The following THSD7A variants were observed in gnomAD, a reference collection of about 807,000 sequenced individuals.
THSD7A encodes the protein thrombospondin type-1 domain-containing protein 7A.
In THSD7A, 96 loss-of-function variants were observed where a neutral mutation model predicts 231.3. The observed-to-expected ratio is 0.41, with a 90% CI of 0.35 to 0.49. The LOEUF (loss-of-function observed/expected upper bound fraction) is 0.49, where lower values mean the gene tolerates loss of function less well. Ranked by LOEUF, THSD7A falls within the 20% of genes least tolerant of loss-of-function variation. THSD7A has a pLI of 0.05. For synonymous variants in THSD7A, 940 were observed against 743.3 expected (o/e 1.26, Z -4.30); for missense variants, 2,290 against 2,070.2 (o/e 1.11, Z -2.06).
chr7:11,419,831 GA>G lies in THSD7A; in HGVS notation c.3384-2229del, dbSNP rs577883111. Among the ~76,000 whole-genome samples the G allele has an allele frequency of 1.1e-4, 16 of 152,348 alleles. No homozygotes were observed. In the East Asian group the frequency reaches 3.1e-3, roughly 29 times the overall value. ...CAGATGGAGATGATGAGCTTATTGG[GA>G]AGTGGAGTAAAGCCCACTTTTGCTA... On this transcript the variant is annotated intron_variant, in intron 16 of 27. Transcript: ENST00000423059.
rs73294551 is a variant in THSD7A, at chr7:11,683,433, G to A, written c.191-46472C>T. On this transcript the variant is annotated intron_variant, in intron 1 of 27. Transcript: ENST00000423059. Reference sequence around the variant, plus strand: ...AAATCTATACAAAAATCAGTGAAACGAAAAGTTATTTTTCTGAAAAGATAA... The same window carrying A: ...AAATCTATACAAAAATCAGTGAAACAAAAAGTTATTTTTCTGAAAAGATAA... Among the ~76,000 whole-genome samples the A allele has an allele frequency of 7.5e-3, 1,144 of 151,702 alleles. 13 individuals carry two copies. Among genetic ancestry groups the A allele is most frequent in the African/African-American group, 0.026 (1,082 of 41,408 alleles).
At chr7:11,793,521 A>T (rs1339350580) in intron 1 of THSD7A, among the ~76,000 whole-genome samples, 2 of 151,074 alleles carry the variant, frequency 1.3e-5, no homozygotes, top group Non-Finnish European at 3.0e-5. Context: ...AGTTTTAGAA[A>T]TACAATCTTA....
chr7:11,381,905 T>C (rs1176680236), intron 24 of THSD7A, among the ~76,000 whole-genome samples: 1 of 152,116 alleles, frequency 6.6e-6, no homozygotes, highest in Non-Finnish European at 1.5e-5. Context: ...TTTGGAGGTA[T>C]ATGTTGGTCG....
intron 1 of THSD7A, among the ~76,000 whole-genome samples, chr7:11,659,428 C>G (rs1254063344): frequency 1.3e-5 from 2 of 151,682 alleles, no homozygotes; most frequent in Admixed American, 6.6e-5. Context: ...CTACGACGTT[C>G]TGACCTGTAC....
Position 11,593,458 on chromosome 7 carries a change from A to G in THSD7A, c.1067T>C (p.Val356Ala), listed in dbSNP as rs777175288. 7.4e-6 allele frequency: 12 copies of G among 1,613,910 alleles called. No individual in the cohort carries two copies. The highest frequency in any genetic ancestry group is 9.3e-6 in the Non-Finnish European group (11 of 1,179,888). Residue 356 changes from valine (V) to alanine (A), a missense_variant, in exon 3 of 28, where the codon GTG becomes GCG. Physicochemically the swap from Val to Ala is moderately conservative, Grantham distance 64. Transcript: ENST00000423059. ...GGAAACCTGGCACTCTTTGGTGATC[A>G]CACAGGACTGGAAGGTCATTGGAAG... The part of the protein sequence containing the change: ...EKLPMTFQSC[V>A]ITKECQVSEW...
At chr7:11,428,281 A>G (rs993700465) in intron 14 of THSD7A, among the ~76,000 whole-genome samples, 3 of 152,198 alleles carry the variant, frequency 2.0e-5, no homozygotes, top group African/African-American at 7.2e-5. Context: ...ATTATGTTAC[A>G]TTCCATTTAA....
chr7:11,443,839 C>G (rs892983289), intron 13 of THSD7A, among the ~76,000 whole-genome samples: 1 of 151,916 alleles, frequency 6.6e-6, no homozygotes, highest in Non-Finnish European at 1.5e-5. Flanking sequence ...TCACCTCAAA[C>G]ATTTATCATT....
At chr7:11,753,544 T>TTCTCTCTCTCTCTC in intron 1 of THSD7A, among the ~76,000 whole-genome samples, 1 of 141,716 alleles carries the variant, frequency 7.1e-6, no homozygotes, top group Non-Finnish European at 1.5e-5. Flanking sequence ...ATGCAGCCCT[T>TTCTCTCTCTCTCTC]TCTCTCTCTC....
At position 11,815,285 on chromosome 7, in the gene THSD7A, T is replaced by C. The variant is rs1784650785; in HGVS notation, c.190+16472A>G. On this transcript the variant is annotated intron_variant, in intron 1 of 27. Coordinates refer to ENST00000423059, the MANE Select transcript of THSD7A (RefSeq NM_015204.3). ...GTTTTTAGTTGAACCTTGTCTCTGA[T>C]TGCAAGTGATGGACCTGCAGCAGGG... Among the ~76,000 whole-genome samples, 4 of 151,746 alleles carry C rather than the reference T, an allele frequency of 2.6e-5. No homozygotes were observed. The South Asian group carries it at 8.3e-4, about 32-fold the overall frequency.
At chr7:11,830,829 T>A (rs1205640306) in intron 1 of THSD7A, among the ~76,000 whole-genome samples, 1 of 152,286 alleles carries the variant, frequency 6.6e-6, no homozygotes, top group East Asian at 1.9e-4. Context: ...AACTACAACA[T>A]TCTCTTAATG....
In THSD7A at chr7:11,372,499, T is replaced by G. The variant is rs1782094190; in HGVS notation, c.*3295A>C. 2 of 152,148 alleles carry G rather than the reference T, an allele frequency of 1.3e-5. No homozygotes were observed. Among genetic ancestry groups the G allele is most frequent in the Admixed American group, 1.3e-4 (2 of 15,256 alleles). The allele number at this position is 152,148 out of a possible 1,614,324, so 9.4% of individuals were successfully genotyped here. ...ACACCGTAGTATCCTCAAAAAAGGCTTTGAAATTAAGATTACTGTCCACAT... is the reference window on the plus strand; with the variant it reads ...ACACCGTAGTATCCTCAAAAAAGGCGTTGAAATTAAGATTACTGTCCACAT... On this transcript the variant is annotated 3_prime_UTR_variant, in exon 28 of 28. Transcript: ENST00000423059.
intron 11 of THSD7A, among the ~76,000 whole-genome samples, chr7:11,451,776 C>A (rs899020879): frequency 6.6e-6 from 1 of 152,012 alleles, no homozygotes; most frequent in Admixed American, 6.6e-5. Flanking sequence ...GCTACTGATG[C>A]AGCTCTGAAG....
At chr7:11,609,397 A>G (rs1780844897) in intron 2 of THSD7A, among the ~76,000 whole-genome samples, 1 of 152,182 alleles carries the variant, frequency 6.6e-6, no homozygotes, top group Admixed American at 6.6e-5. Context: ...AATTTGAATT[A>G]GCAAATGAGA....
intron 6 of THSD7A, among the ~76,000 whole-genome samples, chr7:11,528,811 C>CT (rs1164375925): frequency 6.6e-6 from 1 of 152,062 alleles, no homozygotes; most frequent in African/African-American, 2.4e-5. Context: ...AACAGCATCT[C>CT]TTTTTTTACT....
At chr7:11,740,910 G>A (rs77984599) in intron 1 of THSD7A, among the ~76,000 whole-genome samples, 7,323 of 151,990 alleles carry the variant, frequency 0.048, 199 homozygotes, top group East Asian at 0.14. Context: ...TGCAGTATTT[G>A]CTGAATTACT....
At chr7:11,747,516 A>G (rs1225386545) in intron 1 of THSD7A, among the ~76,000 whole-genome samples, 1 of 151,952 alleles carries the variant, frequency 6.6e-6, no homozygotes, top group African/African-American at 2.4e-5. Flanking sequence ...TTTAGTTTCT[A>G]ATGTTTTATT....
At chr7:11,686,052 C>A (rs1030624843) in intron 1 of THSD7A, among the ~76,000 whole-genome samples, 3 of 151,758 alleles carry the variant, frequency 2.0e-5, no homozygotes, top group African/African-American at 7.3e-5. Context: ...GGAATCATGT[C>A]CTTTTCAGTG....
intron 1 of THSD7A, among the ~76,000 whole-genome samples, chr7:11,801,569 CT>C: frequency 6.6e-6 from 1 of 152,144 alleles, no homozygotes; most frequent in Admixed American, 6.5e-5. Flanking sequence ...TTCTATAGTG[CT>C]GTAGTCTATA....
chr7:11,586,175 T>A (rs751338552), intron 4 of THSD7A, among the ~76,000 whole-genome samples: 6 of 152,286 alleles, frequency 3.9e-5, no homozygotes, highest in Non-Finnish European at 7.4e-5. Context: ...CAAAAAGTGT[T>A]CATAGCCAAA....
Sources: gnomAD v4.1 joint callset for allele counts (sites outside exome capture counted in the v4.1 genomes callset) on GRCh38, gnomAD v4.1.1 for gene constraint, MANE v1.5 for transcripts, NCBI Gene and HGNC (gene_info 2026-07-23, HGNC 2026-07-21) for gene names.